Variants in PBRM1 observed in about 807,000 individuals in gnomAD.
PBRM1 encodes protein polybromo-1.
A neutral mutation model predicts 194.5 loss-of-function variants in PBRM1; 27 were observed. The observed-to-expected ratio is 0.14, with a 90% confidence interval of 0.10 to 0.19. The LOEUF (loss-of-function observed/expected upper bound fraction) is 0.19, where lower values mean the gene tolerates loss of function less well. Ranked by LOEUF, PBRM1 falls within the 10% of genes least tolerant of loss-of-function variation. The pLI, the probability that PBRM1 is intolerant of heterozygous loss-of-function variation, is 1.00. For synonymous variants in PBRM1, 655 were observed against 693.2 expected (o/e 0.94, Z 0.87); for missense variants, 1,466 against 2,077.2 (o/e 0.71, Z 5.72).
intron 2 of PBRM1, among the ~76,000 whole-genome samples, chr3:52,676,145 AAAAAAAAT>A (rs1403594697): frequency 3.3e-5 from 1 of 30,284 alleles, no homozygotes; most frequent in African/African-American, 1.7e-4. Context: ...AAAAAAAAAA[AAAAAAAAT>A]AATGAATGAA....
intron 13 of PBRM1, 111 bp downstream of exon 15, chr3:52,624,786 A>G (rs1389545826): frequency 2.8e-6 from 2 of 715,982 alleles, no homozygotes; most frequent in Non-Finnish European, 4.8e-6. Context: ...GCACCCCAAT[A>G]AAGACTTTTT....
chr3:52,597,590 C>T (rs1226279625), intron 17 of PBRM1, among the ~76,000 whole-genome samples: 1 of 151,978 alleles, frequency 6.6e-6, no homozygotes, highest in Non-Finnish European at 1.5e-5. Context: ...TTTTTACAGA[C>T]AGGGTTCACT....
intron 15 of PBRM1, among the ~76,000 whole-genome samples, chr3:52,610,837 G>A (rs745471480): frequency 6.6e-5 from 10 of 152,174 alleles, no homozygotes; most frequent in African/African-American, 1.2e-4. Context: ...TACTCGGGAG[G>A]CTGAGGCAGG....
intron 13 of PBRM1, among the ~76,000 whole-genome samples, chr3:52,620,775 C>T (rs1453491310): frequency 6.6e-6 from 1 of 152,142 alleles, no homozygotes; most frequent in East Asian, 1.9e-4. Context: ...CTAGTAGCAT[C>T]CTTTCTCCAT....
intron 17 of PBRM1, among the ~76,000 whole-genome samples, chr3:52,600,814 T>G (rs1216466839): frequency 6.6e-6 from 1 of 152,166 alleles, no homozygotes; most frequent in Non-Finnish European, 1.5e-5. Context: ...AATTTTTGTA[T>G]TTTTAGTAGA....
intron 13 of PBRM1, 147 bp downstream of exon 15, chr3:52,624,750 G>C (rs1048602517): frequency 1.6e-6 from 1 of 623,592 alleles, no homozygotes. Flanking sequence ...AAACTGTACT[G>C]CTTTCTTTAT....
At position 52,578,220 on chromosome 3, in the gene PBRM1, A is replaced by AT. The variant is rs1234757863; in HGVS notation, c.3533+833dup. On this transcript the variant is annotated intron_variant, in intron 21 of 29. Coordinates refer to ENST00000296302, the Ensembl canonical transcript of PBRM1. ...CCCCCTTCTCCCCTTGTTCTCCTCT[A>AT]TTTTTTCTACGGCACGTATCATGAC... Among the ~76,000 whole-genome samples, 10 of 151,576 alleles carry AT rather than the reference A, an allele frequency of 6.6e-5. No homozygotes were observed. In the East Asian group the frequency reaches 1.9e-3, roughly 30 times the overall value.
chr3:52,553,706 G>C (rs2081549477), intron 27 of PBRM1, among the ~76,000 whole-genome samples: 1 of 144,438 alleles, frequency 6.9e-6, no homozygotes, highest in Non-Finnish European at 1.5e-5. Flanking sequence ...CTGTCGCCCA[G>C]GCTGGAGTGT....
At chr3:52,648,479 T>G (rs766877523) in intron 6 of PBRM1, 37 bp from the exon 8 acceptor site, 2 of 1,113,610 alleles carry the variant, frequency 1.8e-6, no homozygotes, top group South Asian at 1.3e-5. Context: ...TTCCTTTTAA[T>G]GAGAGTTCAT....
intron 16 of PBRM1, among the ~76,000 whole-genome samples, chr3:52,604,106 A>G (rs1274531895): frequency 1.3e-5 from 2 of 152,172 alleles, no homozygotes; most frequent in African/African-American, 4.8e-5. Context: ...ACTCGTATCT[A>G]TTCTTTGAAT....
At chr3:52,646,240 C>G (rs1316363806) in intron 7 of PBRM1, among the ~76,000 whole-genome samples, 1 of 152,154 alleles carries the variant, frequency 6.6e-6, no homozygotes, top group Admixed American at 6.6e-5. Context: ...ATACCAACAG[C>G]AATTTTGAGT....
At chr3:52,659,132 G>A (rs940931497) in intron 4 of PBRM1, among the ~76,000 whole-genome samples, 1 of 152,160 alleles carries the variant, frequency 6.6e-6, no homozygotes, top group Non-Finnish European at 1.5e-5. Flanking sequence ...GTACATCAAT[G>A]TACACCATTT....
chr3:52,643,524 C>G (rs1560698405), intron 8 of PBRM1, among the ~76,000 whole-genome samples, 181 bp from the exon 10 acceptor site: 2 of 152,166 alleles, frequency 1.3e-5, no homozygotes, highest in Non-Finnish European at 2.9e-5. Context: ...AAGAACAGAC[C>G]AGGGCTGGTC....
intron 10 of PBRM1, among the ~76,000 whole-genome samples, 198 bp from the exon 12 acceptor site, chr3:52,635,013 C>A (rs1001429413): frequency 1.3e-5 from 2 of 152,172 alleles, no homozygotes; most frequent in African/African-American, 4.8e-5. Context: ...GCAGTCTCTG[C>A]CTCTGGGACT....
intron 15 of PBRM1, among the ~76,000 whole-genome samples, chr3:52,613,282 C>T (rs1230608217): frequency 1.3e-5 from 2 of 150,494 alleles, no homozygotes; most frequent in Non-Finnish European, 2.9e-5. Context: ...AAGTTTGCCA[C>T]GATTTTGACA....
At chr3:52,625,434 A>AT (rs1049497372) in intron 13 of PBRM1, among the ~76,000 whole-genome samples, 4 of 151,904 alleles carry the variant, frequency 2.6e-5, no homozygotes, top group East Asian at 1.9e-4. Context: ...AGATTCTTTT[A>AT]TTTTTTTAGT....
At chr3:52,618,971 A>C (rs1367310685) in intron 13 of PBRM1, among the ~76,000 whole-genome samples, 1 of 151,514 alleles carries the variant, frequency 6.6e-6, no homozygotes, top group East Asian at 1.9e-4. Context: ...CTAGTCTCGA[A>C]CTCCCGACCT....
intron 2 of PBRM1, among the ~76,000 whole-genome samples, chr3:52,674,904 T>C (rs1283297090): frequency 6.6e-6 from 1 of 150,858 alleles, no homozygotes; most frequent in Non-Finnish European, 1.5e-5. Flanking sequence ...GGAGGTTGAG[T>C]CTGCACTGAA....
At chr3:52,545,746 C>T (rs1461595256), downstream of PBRM1, 4 of 233,028 alleles carry the variant, frequency 1.7e-5, no homozygotes, top group Non-Finnish European at 3.4e-5. Flanking sequence ...CAGGAACTTA[C>T]ATTTTGAAAA....
Sources: allele counts gnomAD v4.1 joint callset (sites outside exome capture counted in the v4.1 genomes callset), GRCh38; gene constraint gnomAD v4.1.1; transcripts MANE v1.5; gene names NCBI Gene and HGNC (gene_info 2026-07-23, HGNC 2026-07-21).